The following ZNF25 variants were observed in gnomAD, a reference collection of about 807,000 sequenced individuals.
ZNF25 encodes zinc finger protein 25 (KOX 19).
ZNF25 carries 21 observed loss-of-function variants against 30.9 expected under a neutral mutation model. The observed-to-expected ratio is 0.68, with a 90% CI of 0.48 to 0.98. ZNF25 has a LOEUF of 0.98. ZNF25 is among the 50% of genes least tolerant of loss of function. The pLI is 0.00. For synonymous variants in ZNF25, 169 were observed against 181.3 expected (o/e 0.93, Z 0.55); for missense variants, 501 against 529.9 (o/e 0.95, Z 0.54).
intron 2 of ZNF25, among the ~76,000 whole-genome samples, chr10:37,965,182 TGTCCA>T (rs1362353170): frequency 2.0e-5 from 3 of 152,074 alleles, no homozygotes; most frequent in African/African-American, 7.2e-5. Context: ...AAAGCCTTGG[TGTCCA>T]GGCAGAAGTC....
intron 2 of ZNF25, among the ~76,000 whole-genome samples, chr10:37,967,133 A>G (rs1292993304): frequency 6.6e-6 from 1 of 152,196 alleles, no homozygotes; most frequent in Non-Finnish European, 1.5e-5. Context: ...TACCCAAAGA[A>G]ATCTACAGAT....
chr10:37,961,007 G>T (rs1187979311), intron 2 of ZNF25, among the ~76,000 whole-genome samples: 1 of 152,138 alleles, frequency 6.6e-6, no homozygotes, highest in Non-Finnish European at 1.5e-5. Context: ...AAGGGCTGGG[G>T]TTTGTTAAGG....
At chr10:37,954,693 A>G (rs2062403774) in intron 4 of ZNF25, among the ~76,000 whole-genome samples, 1 of 152,180 alleles carries the variant, frequency 6.6e-6, no homozygotes, top group South Asian at 2.1e-4. Flanking sequence ...ATCATTCTAG[A>G]ATCTTTAGTG....
Position 37,976,580 on chromosome 10 carries a change from G to C in ZNF25, c.-160C>G, listed in dbSNP as rs577304004. The C allele has an allele frequency of 2.0e-5, 3 of 152,754 alleles. No individual in the cohort carries two copies. The East Asian group carries it at 5.8e-4, about 29-fold the overall frequency. The allele number at this position is 152,754 out of a possible 1,614,324, so 9.5% of individuals were successfully genotyped here. A position where few individuals can be genotyped will look rare whatever the true frequency, so the allele number is the denominator to read the frequency against. ...CCCTTTGCGGCCCAGCCCAGACCCG[G>C]AGGCACCGGAGTCCTCTCCCCACCC... On this transcript the variant is annotated 5_prime_UTR_variant, in exon 1 of 6. Coordinates refer to ENST00000302609, the MANE Select transcript of ZNF25 (RefSeq NM_145011.4).
At chr10:37,958,611 T>C (rs2062671344) in intron 2 of ZNF25, among the ~76,000 whole-genome samples, 1 of 152,228 alleles carries the variant, frequency 6.6e-6, no homozygotes, top group African/African-American at 2.4e-5. Flanking sequence ...TACCTTTGCA[T>C]GTATTAATGT....
At chr10:37,957,664 A>G in intron 2 of ZNF25, 118 bp from the exon 3 acceptor site, 1 of 1,155,094 alleles carries the variant, frequency 8.7e-7, no homozygotes, top group Non-Finnish European at 1.2e-6. Flanking sequence ...GAGAGTTAGG[A>G]TATTTGCCAT....
intron 1 of ZNF25, among the ~76,000 whole-genome samples, chr10:37,974,023 G>A (rs536427850): frequency 6.6e-6 from 1 of 152,260 alleles, no homozygotes; most frequent in African/African-American, 2.4e-5. Flanking sequence ...ACATACATTG[G>A]AGAAATGACA....
At chr10:37,960,636 A>AAAAC (rs1245213557) in intron 2 of ZNF25, among the ~76,000 whole-genome samples, 2 of 148,078 alleles carry the variant, frequency 1.4e-5, no homozygotes, top group Admixed American at 6.7e-5. Context: ...AAAAAAAAAA[A>AAAAC]AAAAAAAACA....
intron 1 of ZNF25, among the ~76,000 whole-genome samples, chr10:37,975,622 T>C (rs966988508): frequency 6.6e-6 from 1 of 152,186 alleles, no homozygotes; most frequent in Non-Finnish European, 1.5e-5. Flanking sequence ...AAATGCAAAA[T>C]TGAGGGCTCA....
Position 37,965,220 on chromosome 10 carries a change from C to T in ZNF25, c.15+6488G>A, listed in dbSNP as rs141829644. 3.2e-4 allele frequency among the ~76,000 whole-genome samples: 48 copies of T among 152,234 alleles called. No individual in the cohort carries two copies. The East Asian group carries it at 8.9e-3, about 28-fold the overall frequency. On this transcript the variant is annotated intron_variant, in intron 2 of 5. Transcript: ENST00000302609. ...GTCTGCCACAGAGATGGAGCCCCCA[C>T]AGAGAAACTACTAGGGCAATGTTGA...
rs756595065 is a variant in ZNF25, at chr10:37,954,617, A to G, written c.239-859T>C. 1.1e-4 allele frequency among the ~76,000 whole-genome samples: 17 copies of G among 152,126 alleles called. No homozygotes were observed. In the South Asian group the frequency reaches 2.7e-3, roughly 24 times the overall value. The stretch of plus-strand genomic sequence containing the variant: ...AACACTAGTCTTGAATTTCATTTTC[A>G]TATCTTGCTTCCTCCATCTCTGCTT... On this transcript the variant is annotated intron_variant, in intron 4 of 5. Coordinates refer to ENST00000302609, the MANE Select transcript of ZNF25 (RefSeq NM_145011.4).
At chr10:37,966,818 A>C (rs1464002637) in intron 2 of ZNF25, among the ~76,000 whole-genome samples, 1 of 152,232 alleles carries the variant, frequency 6.6e-6, no homozygotes, top group African/African-American at 2.4e-5. Flanking sequence ...TATGTTGAAG[A>C]AAAATGCCAA....
chr10:37,970,147 C>A (rs754393408), intron 2 of ZNF25, among the ~76,000 whole-genome samples: 2 of 152,014 alleles, frequency 1.3e-5, no homozygotes, highest in African/African-American at 4.8e-5. Context: ...CTATCCCAAC[C>A]CCTAAAATCT....
At chr10:37,965,748 T>A (rs1320722146) in intron 2 of ZNF25, among the ~76,000 whole-genome samples, 2 of 152,158 alleles carry the variant, frequency 1.3e-5, no homozygotes, top group African/African-American at 4.8e-5. Context: ...AAGCTGGTAT[T>A]GTGATATTTT....
intron 1 of ZNF25, among the ~76,000 whole-genome samples, chr10:37,972,999 T>C (rs569291577): frequency 6.6e-6 from 1 of 151,956 alleles, no homozygotes; most frequent in Admixed American, 6.6e-5. Flanking sequence ...GAAAAACCAG[T>C]CACTACTAAA....
chr10:37,954,748 G>A (rs2062408307), intron 4 of ZNF25, among the ~76,000 whole-genome samples: 2 of 152,160 alleles, frequency 1.3e-5, no homozygotes, highest in South Asian at 4.1e-4. Flanking sequence ...GCAAGTGAAA[G>A]ATTATCAGCA....
At chr10:37,957,740 A>G (rs898082855) in intron 2 of ZNF25, among the ~76,000 whole-genome samples, 194 bp from the exon 3 acceptor site, 1 of 152,178 alleles carries the variant, frequency 6.6e-6, no homozygotes, top group African/African-American at 2.4e-5. Context: ...CTCCCACTCC[A>G]TGCCTGGAAC....
chr10:37,968,645 A>G (rs1191874037), intron 2 of ZNF25, among the ~76,000 whole-genome samples: 3 of 152,164 alleles, frequency 2.0e-5, no homozygotes, highest in Non-Finnish European at 4.4e-5. Flanking sequence ...ATGAGCCACT[A>G]TGCCTGGCCA....
intron 4 of ZNF25, among the ~76,000 whole-genome samples, chr10:37,954,468 A>C (rs2062387362): frequency 6.6e-6 from 1 of 152,154 alleles, no homozygotes; most frequent in Non-Finnish European, 1.5e-5. Flanking sequence ...GATTTTCTTA[A>C]AAGCATTGGG....
Sources: allele counts gnomAD v4.1 joint callset (sites outside exome capture counted in the v4.1 genomes callset), GRCh38; gene constraint gnomAD v4.1.1; transcripts MANE v1.5; gene names NCBI Gene and HGNC (gene_info 2026-07-23, HGNC 2026-07-21).